POU2AF2: variants seen among roughly 807,000 people sequenced by gnomAD.
The protein encoded by POU2AF2 is POU class 2 homeobox associating factor 2.
chr11:111,271,719 T>C, the POU2AF2 span, among the ~76,000 whole-genome samples: 1 of 152,142 alleles, frequency 6.6e-6, no homozygotes, highest in Admixed American at 6.6e-5. Context: ...CCACTGTACC[T>C]GGCACAAAAA....
chr11:111,261,925 G>C, the POU2AF2 span, among the ~76,000 whole-genome samples: 1 of 152,176 alleles, frequency 6.6e-6, no homozygotes, highest in Non-Finnish European at 1.5e-5. Flanking sequence ...AATGTATTTA[G>C]ATAATAACAG....
chr11:111,264,214 G>A, the POU2AF2 span, among the ~76,000 whole-genome samples: 1 of 152,036 alleles, frequency 6.6e-6, no homozygotes, highest in African/African-American at 2.4e-5. Flanking sequence ...AGACTTCTTG[G>A]GTGGGGTACA....
the POU2AF2 span, among the ~76,000 whole-genome samples, chr11:111,273,802 A>T: frequency 3.9e-5 from 6 of 152,252 alleles, 1 homozygote; most frequent in African/African-American, 1.4e-4. Flanking sequence ...ACTCATTTTC[A>T]TGGAGGGGCT....
the POU2AF2 span, among the ~76,000 whole-genome samples, chr11:111,248,028 C>T: frequency 3.3e-5 from 5 of 151,564 alleles, no homozygotes; most frequent in South Asian, 2.1e-4. Flanking sequence ...GGTCTACAGG[C>T]GCCCGCCACC....
chr11:111,284,652 T>C, the POU2AF2 span, among the ~76,000 whole-genome samples: 1 of 152,234 alleles, frequency 6.6e-6, no homozygotes, highest in Non-Finnish European at 1.5e-5. Context: ...AATGCTCTAC[T>C]GATATTGCCT....
the POU2AF2 span, among the ~76,000 whole-genome samples, chr11:111,259,614 C>T: frequency 6.6e-6 from 1 of 152,138 alleles, no homozygotes; most frequent in Non-Finnish European, 1.5e-5. Context: ...CCGTGCCCAG[C>T]CCACATTCCA....
At chr11:111,250,624 C>A in the POU2AF2 span, among the ~76,000 whole-genome samples, 2 of 152,258 alleles carry the variant, frequency 1.3e-5, no homozygotes, top group East Asian at 3.9e-4. Flanking sequence ...AGATGTACTC[C>A]ATAAGGAAAT....
the POU2AF2 span, chr11:111,286,051 T>A: frequency 6.2e-7 from 1 of 1,607,140 alleles, no homozygotes; most frequent in Non-Finnish European, 8.5e-7. Flanking sequence ...GCAGAGCTTA[T>A]TGAGGGGAGG....
At chr11:111,269,752 A>G in the POU2AF2 span, among the ~76,000 whole-genome samples, 1 of 152,202 alleles carries the variant, frequency 6.6e-6, no homozygotes, top group Non-Finnish European at 1.5e-5. Flanking sequence ...GGGGTAAAAA[A>G]TGTGTTTCAT....
At chr11:111,275,854 A>G in the POU2AF2 span, among the ~76,000 whole-genome samples, 1 of 152,340 alleles carries the variant, frequency 6.6e-6, no homozygotes, top group East Asian at 1.9e-4. Flanking sequence ...AATCATGAAT[A>G]TAAAAATTCA....
chr11:111,250,931 C>A, the POU2AF2 span, among the ~76,000 whole-genome samples: 2 of 152,130 alleles, frequency 1.3e-5, no homozygotes, highest in African/African-American at 4.8e-5. Context: ...GGAGATGAAA[C>A]CCTGTTTCAG....
the POU2AF2 span, among the ~76,000 whole-genome samples, chr11:111,246,539 C>T: frequency 6.6e-6 from 1 of 152,098 alleles, no homozygotes; most frequent in African/African-American, 2.4e-5. Flanking sequence ...TTCAAAAATG[C>T]CTTGTAAAGT....
the POU2AF2 span, among the ~76,000 whole-genome samples, chr11:111,262,857 A>G: frequency 3.9e-5 from 6 of 152,180 alleles, no homozygotes; most frequent in Non-Finnish European, 7.3e-5. Context: ...ATATATAGTA[A>G]AATTTCCACT....
At chr11:111,261,813 A>G in the POU2AF2 span, among the ~76,000 whole-genome samples, 7 of 152,234 alleles carry the variant, frequency 4.6e-5, no homozygotes, top group Admixed American at 4.6e-4. Flanking sequence ...CTTCAAGTTA[A>G]TATCCTACAT....
the POU2AF2 span, among the ~76,000 whole-genome samples, chr11:111,264,692 C>A: frequency 4.7e-5 from 5 of 106,866 alleles, no homozygotes; most frequent in African/African-American, 7.3e-5. Flanking sequence ...GAGAGAAAGA[C>A]AGAGAAAGAA....
chr11:111,260,878 A>G, the POU2AF2 span, among the ~76,000 whole-genome samples: 11 of 152,354 alleles, frequency 7.2e-5, no homozygotes, highest in East Asian at 5.8e-4. Context: ...GGAAGTATCT[A>G]TTGGATGCCC....
chr11:111,260,050 C>G, the POU2AF2 span, among the ~76,000 whole-genome samples: 1 of 152,204 alleles, frequency 6.6e-6, no homozygotes, highest in Non-Finnish European at 1.5e-5. Context: ...GTCATTGACT[C>G]TTGAGGACCT....
chr11:111,264,570 AAGAAAG>A, the POU2AF2 span, among the ~76,000 whole-genome samples: 4 of 32,296 alleles, frequency 1.2e-4, 1 homozygote, highest in African/African-American at 5.7e-4. Context: ...GAAAGAAAGA[AAGAAAG>A]GGAGAGAGAA....
the POU2AF2 span, among the ~76,000 whole-genome samples, chr11:111,282,924 A>G: frequency 1.3e-5 from 2 of 152,142 alleles, no homozygotes; most frequent in Non-Finnish European, 2.9e-5. Flanking sequence ...TTCTGCTACA[A>G]CTGAGCTACG....
Sources: allele counts gnomAD v4.1 joint callset (sites outside exome capture counted in the v4.1 genomes callset), GRCh38; gene constraint gnomAD v4.1.1; transcripts MANE v1.5; gene names NCBI Gene and HGNC (gene_info 2026-07-23, HGNC 2026-07-21).